Variants in CEMIP observed in about 807,000 individuals in gnomAD.
CEMIP encodes the protein cell migration inducing hyaluronidase 1.
CEMIP carries 105 observed loss-of-function variants against 156.9 expected under a neutral mutation model. The ratio of observed to expected loss-of-function variants is 0.67; its 90% CI spans 0.57 to 0.79. The LOEUF (loss-of-function observed/expected upper bound fraction) is 0.79. CEMIP is among the 30% of genes least tolerant of loss of function. The probability of loss-of-function intolerance (pLI) is 0.00; values close to 1 mark genes in which losing one functional copy is unlikely to be tolerated. For missense variants in CEMIP, 1,457 were observed against 1,769.4 expected (o/e 0.82, Z 3.17); for synonymous variants, 676 against 668.4 (o/e 1.01, Z -0.17).
intron 1 of CEMIP, among the ~76,000 whole-genome samples, chr15:80,806,286 C>T (rs749940616): frequency 2.6e-5 from 4 of 152,090 alleles, no homozygotes; most frequent in East Asian, 1.9e-4. Context: ...ATGCAGATGG[C>T]GTTGAAATTG....
At chr15:80,810,819 T>G (rs1046527301) in intron 1 of CEMIP, among the ~76,000 whole-genome samples, 1 of 151,642 alleles carries the variant, frequency 6.6e-6, no homozygotes, top group Non-Finnish European at 1.5e-5. Context: ...CATCCATCCA[T>G]CCATCCATCC....
chr15:80,839,785 G>A (rs1026500521), intron 1 of CEMIP, among the ~76,000 whole-genome samples: 1 of 152,200 alleles, frequency 6.6e-6, no homozygotes. Context: ...CCTCCCAGGT[G>A]GTCATTCCTT....
chr15:80,784,912 A>C (rs954108838), intron 1 of CEMIP, among the ~76,000 whole-genome samples: 1 of 152,264 alleles, frequency 6.6e-6, no homozygotes, highest in South Asian at 2.1e-4. Context: ...GTGTAATTTA[A>C]GTCAGTTCCC....
At chr15:80,934,758 G>C (rs1901052223) in intron 23 of CEMIP, among the ~76,000 whole-genome samples, 1 of 152,152 alleles carries the variant, frequency 6.6e-6, no homozygotes, top group South Asian at 2.1e-4. Context: ...GCTGGTGGGG[G>C]TCAGGTGCCA....
chr15:80,862,396 C>T (rs1898008578), intron 1 of CEMIP, among the ~76,000 whole-genome samples: 1 of 152,202 alleles, frequency 6.6e-6, no homozygotes, highest in Admixed American at 6.5e-5. Context: ...CATCCTGTGC[C>T]ATGCAGACTC....
intron 19 of CEMIP, among the ~76,000 whole-genome samples, chr15:80,928,565 C>T (rs75088458): frequency 0.016 from 2,395 of 152,280 alleles, 66 homozygotes; most frequent in African/African-American, 0.054. Context: ...TTCTCCTGAT[C>T]CAACCTCACA....
intron 3 of CEMIP, among the ~76,000 whole-genome samples, chr15:80,874,992 T>G (rs1898422643): frequency 6.6e-6 from 1 of 151,784 alleles, no homozygotes. Flanking sequence ...GAAGAATCTT[T>G]CTGATCCTTA....
chr15:80,846,538 G>GTT (rs1428321280), intron 1 of CEMIP, among the ~76,000 whole-genome samples: 16 of 152,242 alleles, frequency 1.1e-4, no homozygotes, highest in African/African-American at 3.6e-4. Flanking sequence ...AACAGGATGT[G>GTT]TGCAAGCTCA....
intron 1 of CEMIP, among the ~76,000 whole-genome samples, chr15:80,859,856 G>T (rs1321609448): frequency 6.6e-6 from 1 of 152,134 alleles, no homozygotes; most frequent in Non-Finnish European, 1.5e-5. Context: ...CCTCTAGAAG[G>T]GTTTTACCTG....
At chr15:80,878,539 G>T (rs1334522507) in intron 3 of CEMIP, among the ~76,000 whole-genome samples, 182 bp from the exon 4 acceptor site, 1 of 152,204 alleles carries the variant, frequency 6.6e-6, no homozygotes, top group Non-Finnish European at 1.5e-5. Flanking sequence ...ATATATGACT[G>T]GTCCCCATGG....
chr15:80,943,087 C>A lies in CEMIP; in HGVS notation c.3842C>A (p.Ala1281Glu), dbSNP rs369847646. 1 of 1,614,240 alleles carries A rather than the reference C, an allele frequency of 6.2e-7. No individual in the cohort carries two copies. Among genetic ancestry groups the A allele is most frequent in the Non-Finnish European group, 8.5e-7 (1 of 1,180,034 alleles). The part of the protein sequence containing the change: ...GIPWQLFNYV[A>E]TIPDNSIVLM... ...CCATGGCAGCTTTTCAACTATGTGG[C>A]GACCATCCCTGACAAGTGAGTCTGT... Residue 1281 changes from alanine to glutamate, a missense_variant, in exon 28 of 30, where the codon GCG becomes GAG. By Grantham distance (107) the Ala-to-Glu change is moderately radical (BLOSUM62 -1). This residue lies in a region of CEMIP where 798 missense variants were observed against 980.1 expected (regional missense o/e 0.81). Transcript: ENST00000394685.
At chr15:80,930,803 A>G (rs1567107273) in intron 21 of CEMIP, among the ~76,000 whole-genome samples, 1 of 152,186 alleles carries the variant, frequency 6.6e-6, no homozygotes, top group Non-Finnish European at 1.5e-5. Flanking sequence ...CTGTGGGCAG[A>G]TATTTTTTCT....
At chr15:80,838,528 TATG>T (rs1376805436) in intron 1 of CEMIP, among the ~76,000 whole-genome samples, 1 of 152,042 alleles carries the variant, frequency 6.6e-6, no homozygotes, top group East Asian at 1.9e-4. Context: ...GCTGCCCAAA[TATG>T]ATGGTTGGAT....
chr15:80,914,709 T>C (rs886937632), intron 14 of CEMIP, among the ~76,000 whole-genome samples: 1 of 152,244 alleles, frequency 6.6e-6, no homozygotes, highest in Admixed American at 6.5e-5. Flanking sequence ...AATTCTTGAT[T>C]CATGTAGCTG....
In CEMIP at chr15:80,949,772, G is replaced by A. The variant is rs1217522162; in HGVS notation, c.*848G>A. On this transcript the variant is annotated 3_prime_UTR_variant, in exon 30 of 30. Coordinates refer to ENST00000394685, the MANE Select transcript of CEMIP (RefSeq NM_001293298.2). ...TGGAGAAATCACAGAGAGGTAAAATGGAGGCCAGTGCCATTTCAGAGGGGA... is the reference window on the plus strand; with the variant it reads ...TGGAGAAATCACAGAGAGGTAAAATAGAGGCCAGTGCCATTTCAGAGGGGA... The A allele has an allele frequency of 2.0e-5, 3 of 152,358 alleles. No homozygotes were observed. Among genetic ancestry groups the A allele is most frequent in the Non-Finnish European group, 4.4e-5 (3 of 68,136 alleles). 9.4% of individuals were successfully genotyped at this position (152,358 alleles called of 1,614,324 possible). A position where few individuals can be genotyped will look rare whatever the true frequency, so the allele number is the denominator to read the frequency against.
chr15:80,922,106 T>A lies in CEMIP; in HGVS notation c.2171T>A (p.Phe724Tyr). 1 of 1,614,236 alleles carries A rather than the reference T, an allele frequency of 6.2e-7. No individual in the cohort carries two copies. The highest frequency in any genetic ancestry group is 8.5e-7 in the Non-Finnish European group (1 of 1,180,020). The change falls in exon 17 of 30, where the codon TTC (phenylalanine) becomes TAC (tyrosine). Residue 724 changes from phenylalanine to tyrosine, a missense_variant. By Grantham distance (22) the Phe-to-Tyr change is conservative. Around this residue, in one of 5 missense-constraint regions of CEMIP, gnomAD observed 798 missense variants for 980.1 expected, o/e 0.81. Transcript: ENST00000394685. ...TCAGAGCACATTCCACTGGGAAAAT[T>A]CTATAACAACCGAGCACATTCCAAC... Reference protein sequence around the residue: ...GYSEHIPLGKFYNNRAHSNYR... With the variant: ...GYSEHIPLGKYYNNRAHSNYR...
intron 7 of CEMIP, among the ~76,000 whole-genome samples, chr15:80,886,539 G>A (rs1898848045): frequency 6.6e-6 from 1 of 152,202 alleles, no homozygotes; most frequent in Admixed American, 6.5e-5. Context: ...TATAGTAAGA[G>A]AGGGCTACTG....
intron 19 of CEMIP, among the ~76,000 whole-genome samples, chr15:80,927,465 A>G (rs1051432115): frequency 1.3e-5 from 2 of 152,202 alleles, no homozygotes; most frequent in African/African-American, 4.8e-5. Context: ...CAATGCCGAA[A>G]TTCTTTGCAA....
chr15:80,880,718 G>A (rs2141826914), intron 5 of CEMIP, among the ~76,000 whole-genome samples, 182 bp from the exon 6 acceptor site: 1 of 152,352 alleles, frequency 6.6e-6, no homozygotes, highest in South Asian at 2.1e-4. Context: ...TTACAGGCAT[G>A]AGCCACAAGC....
Sources: gnomAD v4.1 joint callset for allele counts (sites outside exome capture counted in the v4.1 genomes callset) on GRCh38, gnomAD v4.1.1 for gene constraint, gnomAD v4.1.1 regional missense constraint, MANE v1.5 for transcripts, NCBI Gene and HGNC (gene_info 2026-07-23, HGNC 2026-07-21) for gene names.